Variants in CTBP2 observed in about 807,000 individuals in gnomAD.
CTBP2 encodes the protein C-terminal-binding protein 2.
Under a neutral mutation model 80.3 loss-of-function variants are expected in CTBP2, and 30 were observed. The ratio of observed to expected loss-of-function variants is 0.37; its 90% CI spans 0.28 to 0.51. The LOEUF (loss-of-function observed/expected upper bound fraction) is 0.51, where lower values mean the gene tolerates loss of function less well. CTBP2 is among the 20% of genes least tolerant of loss of function. The probability of loss-of-function intolerance (pLI) is 0.93; values close to 1 mark genes in which losing one functional copy is unlikely to be tolerated. For missense variants in CTBP2, 1,212 were observed against 1,375.3 expected (o/e 0.88, Z 1.88); for synonymous variants, 594 against 587.4 (o/e 1.01, Z -0.16).
At chr10:124,997,817 T>A (rs1454718129) in intron 4 of CTBP2, 147 bp downstream of exon 6, 1 of 783,712 alleles carries the variant, frequency 1.3e-6, no homozygotes, top group African/African-American at 1.7e-5. Context: ...GACTCCGATC[T>A]CCTACCCCGT....
chr10:125,073,483 C>T (rs777132764), intron 2 of CTBP2, among the ~76,000 whole-genome samples: 5 of 152,210 alleles, frequency 3.3e-5, no homozygotes, highest in South Asian at 2.1e-4. Context: ...TCAAGTGATC[C>T]GCCCGCCTTG....
chr10:125,031,541 C>T (rs1170359980), upstream of CTBP2, among the ~76,000 whole-genome samples: 3 of 151,600 alleles, frequency 2.0e-5, no homozygotes, highest in African/African-American at 4.9e-5. Flanking sequence ...CCCCCTACCC[C>T]CTGCCCCCGA....
At chr10:125,094,234 C>T (rs559841935) in intron 2 of CTBP2, among the ~76,000 whole-genome samples, 8 of 152,284 alleles carry the variant, frequency 5.3e-5, no homozygotes, top group African/African-American at 1.9e-4. Context: ...AGCCAAGTGT[C>T]AATGGCACAC....
chr10:125,135,048 A>G (rs1341846591), intron 1 of CTBP2, among the ~76,000 whole-genome samples: 1 of 152,166 alleles, frequency 6.6e-6, no homozygotes, highest in Non-Finnish European at 1.5e-5. Flanking sequence ...TACATTGTGC[A>G]TGGATGCCTT....
At chr10:125,161,354 C>T (rs1265220902), upstream of CTBP2, among the ~76,000 whole-genome samples, 1 of 151,972 alleles carries the variant, frequency 6.6e-6, no homozygotes, top group Non-Finnish European at 1.5e-5. Flanking sequence ...CTCCCCTGGC[C>T]CTTCATCCTC....
chr10:125,037,253 G>T (rs1325988962), intron 3 of CTBP2, among the ~76,000 whole-genome samples: 2 of 152,192 alleles, frequency 1.3e-5, no homozygotes, highest in African/African-American at 4.8e-5. Flanking sequence ...TTTTGCCCAA[G>T]TCAGGTTTAT....
chr10:125,072,342 C>A (rs1360260933), intron 2 of CTBP2, among the ~76,000 whole-genome samples: 2 of 152,038 alleles, frequency 1.3e-5, no homozygotes, highest in Admixed American at 6.6e-5. Context: ...AAGCTGGGTG[C>A]AGTGACTCAC....
chr10:125,125,431 G>T (rs1268144321), intron 1 of CTBP2, among the ~76,000 whole-genome samples: 7 of 152,178 alleles, frequency 4.6e-5, no homozygotes, highest in African/African-American at 1.7e-4. Context: ...TCCGGTGTTT[G>T]GGAATCTCTG....
upstream of CTBP2, among the ~76,000 whole-genome samples, chr10:125,030,851 G>C (rs2913114): frequency 7.4e-3 from 1,125 of 152,212 alleles, 15 homozygotes; most frequent in Non-Finnish European, 0.012. Context: ...AGCTTCCCCA[G>C]GGGGGTCCTG....
At chr10:125,122,499 C>A (rs544147528) in intron 1 of CTBP2, among the ~76,000 whole-genome samples, 1 of 152,254 alleles carries the variant, frequency 6.6e-6, no homozygotes, top group Admixed American at 6.5e-5. Context: ...ACAGCCCTCA[C>A]TTGCCTGGTG....
intron 2 of CTBP2, among the ~76,000 whole-genome samples, chr10:125,051,229 G>A (rs79337682): frequency 0.036 from 5,422 of 152,304 alleles, 132 homozygotes; most frequent in Non-Finnish European, 0.048. Context: ...ACGGTACATG[G>A]AGACCCTTAG....
chr10:125,013,311 G>A (rs897152461), intron 1 of CTBP2, among the ~76,000 whole-genome samples: 1 of 152,150 alleles, frequency 6.6e-6, no homozygotes, highest in Non-Finnish European at 1.5e-5. Context: ...TGCATTCTGT[G>A]CCACAGTAAT....
chr10:125,054,678 C>T (rs147982252), intron 2 of CTBP2, among the ~76,000 whole-genome samples: 2,046 of 152,326 alleles, frequency 0.013, 43 homozygotes, highest in African/African-American at 0.046. Context: ...CAAACTATCA[C>T]ACTGACTATG....
intron 1 of CTBP2, among the ~76,000 whole-genome samples, chr10:125,148,276 C>T (rs1017122548): frequency 6.6e-6 from 1 of 152,042 alleles, no homozygotes; most frequent in Non-Finnish European, 1.5e-5. Flanking sequence ...CTGCCGGGGC[C>T]CCTAGAGCAA....
rs181614786 is a variant in CTBP2, at chr10:125,123,201, T to G, written c.-205-12108A>C. On this transcript the variant is annotated intron_variant, in intron 1 of 10. Coordinates refer to the CTBP2 transcript ENST00000337195. Reference sequence around the variant, plus strand: ...TGGGGACCGTCCTGGCCACCTCAAGTGGATATGACTATAAAAGGGCAACGG... The same window carrying G: ...TGGGGACCGTCCTGGCCACCTCAAGGGGATATGACTATAAAAGGGCAACGG... Among the ~76,000 whole-genome samples, 4 of 150,376 alleles carry G rather than the reference T, an allele frequency of 2.7e-5. No homozygotes were observed. In the East Asian group the frequency reaches 8.0e-4, roughly 30 times the overall value.
chr10:125,026,524 C>T lies in CTBP2; in HGVS notation c.1236G>A (p.Gln412=). ...AGGTGGCTGCCGTCTCCAGGAGGTG[C>T]TGAGATGGTGCGCTGGAGGGACGGC... Residue 412 remains glutamine (Q), a synonymous_variant, in exon 1 of 9, where the codon CAG becomes CAA. Coordinates refer to ENST00000309035, the MANE Select transcript of CTBP2 (RefSeq NM_022802.3). The T allele has an allele frequency of 1.3e-6, 2 of 1,595,426 alleles. No homozygotes were observed. Among genetic ancestry groups the T allele is most frequent in the Non-Finnish European group, 8.5e-7 (1 of 1,170,728 alleles).
At position 125,041,972 on chromosome 10, in the gene CTBP2, G is replaced by A. The variant is rs74163319; in HGVS notation, c.-101-2817C>T. ...TGACTCCCATGTCTGGCTTTTTTGGGGGTGGGGGTGGGGGAGGGGGGTCAC... is the reference window on the plus strand; with the variant it reads ...TGACTCCCATGTCTGGCTTTTTTGGAGGTGGGGGTGGGGGAGGGGGGTCAC... On this transcript the variant is annotated intron_variant, in intron 2 of 10. Coordinates refer to the CTBP2 transcript ENST00000337195. 8.4e-3 allele frequency among the ~76,000 whole-genome samples: 1,266 copies of A among 151,068 alleles called. 25 individuals are homozygous for A. The highest frequency in any genetic ancestry group is 0.029 in the African/African-American group (1,193 of 41,090).
At position 124,984,833 on chromosome 10, in the gene CTBP2, G is replaced by A. The variant is rs765377262; in HGVS notation, c.*4685C>T. 13 of 1,613,850 alleles carry A rather than the reference G, an allele frequency of 8.1e-6. No individual in the cohort carries two copies. Among genetic ancestry groups the A allele is most frequent in the South Asian group, 5.5e-5 (5 of 91,058 alleles). The stretch of plus-strand genomic sequence containing the variant: ...GGGAGTGGCTGGACTGCTGTGTGAC[G>A]GAGGGGGGAGTTCTGGTTGCCATGC... On this transcript the variant is annotated 3_prime_UTR_variant, in exon 9 of 9. Coordinates refer to ENST00000309035, the MANE Select transcript of CTBP2 (RefSeq NM_022802.3).
rs1233786367 is a variant in CTBP2, at chr10:124,984,543, GCTC to G, written c.*4972_*4974del. On this transcript the variant is annotated 3_prime_UTR_variant, in exon 9 of 9. Transcript: ENST00000309035. The stretch of plus-strand genomic sequence containing the variant: ...TATCTAACAAATTACCCTCTAGTGT[GCTC>G]CTCTTTAGTTTTTTTCTGAGAAATT... 1.7e-5 allele frequency: 9 copies of G among 521,476 alleles called. No homozygotes were observed. The highest frequency in any genetic ancestry group is 3.8e-5 in the African/African-American group (2 of 52,424). 32.3% of individuals were successfully genotyped at this position (521,476 alleles called of 1,614,324 possible).
Sources: allele counts gnomAD v4.1 joint callset (sites outside exome capture counted in the v4.1 genomes callset), GRCh38; gene constraint gnomAD v4.1.1; transcripts MANE v1.5; gene names NCBI Gene and HGNC (gene_info 2026-07-23, HGNC 2026-07-21).